Variants in STK17B observed in about 807,000 individuals in gnomAD.
The protein encoded by STK17B is serine/threonine kinase 17b, also known as serine/threonine-protein kinase 17B.
Under a neutral mutation model 42.0 loss-of-function variants are expected in STK17B, and 21 were observed. That is an observed-to-expected ratio of 0.50 (90% CI 0.35 to 0.72). The LOEUF (loss-of-function observed/expected upper bound fraction) is 0.72. Among genes scored for constraint, STK17B ranks in the 30% least tolerant of loss-of-function variants. The pLI, the probability that STK17B is intolerant of heterozygous loss-of-function variation, is 0.00. For synonymous variants in STK17B, 143 were observed against 148.4 expected, an observed-to-expected ratio of 0.96 and a Z score of 0.26; for missense variants, 349 against 446.0, an observed-to-expected ratio of 0.78 and a Z score of 1.96.
Position 196,134,289 on chromosome 2 carries a change from A to C in STK17B, c.*3158T>G, listed in dbSNP as rs911853359. ...ACTAGAGCAGGGGTCCCCAGTCCCCAGGCCACGACCGGGCTGCATAGAAGG... is the reference window on the plus strand; with the variant it reads ...ACTAGAGCAGGGGTCCCCAGTCCCCCGGCCACGACCGGGCTGCATAGAAGG... On this transcript the variant is annotated 3_prime_UTR_variant, in exon 8 of 8. Transcript: ENST00000263955. 2 of 145,998 alleles carry C rather than the reference A, an allele frequency of 1.4e-5. No homozygotes were observed. The highest frequency in any genetic ancestry group is 7.0e-5 in the Admixed American group (1 of 14,194). The allele number at this position is 145,998 out of a possible 1,614,324, so 9.0% of individuals were successfully genotyped here.
chr2:196,140,458 T>C lies in STK17B; in HGVS notation c.657-659A>G, dbSNP rs556863553. Among the ~76,000 whole-genome samples, 5 of 142,442 alleles carry C rather than the reference T, an allele frequency of 3.5e-5. No homozygotes were observed. In the East Asian group the frequency reaches 1.1e-3, roughly 30 times the overall value. 93.4% of individuals were successfully genotyped at this position (142,442 alleles called of 152,430 possible). A position where few individuals can be genotyped will look rare whatever the true frequency, so the allele number is the denominator to read the frequency against. ...GTATCAGTTCTGGTTCTATTCCCTA[T>C]GGTATTCTCTCTTGGCTAGCTACAA... On this transcript the variant is annotated intron_variant, in intron 6 of 7. Coordinates refer to ENST00000263955, the MANE Select transcript of STK17B (RefSeq NM_004226.4).
chr2:196,165,940 T>C (rs1207863811), intron 1 of STK17B, among the ~76,000 whole-genome samples: 1 of 152,258 alleles, frequency 6.6e-6, no homozygotes, highest in Non-Finnish European at 1.5e-5. Flanking sequence ...TAAACTTCAT[T>C]CTTAAAAGTA....
intron 2 of STK17B, among the ~76,000 whole-genome samples, chr2:196,156,914 C>A (rs560658375): frequency 2.6e-5 from 4 of 152,266 alleles, no homozygotes; most frequent in African/African-American, 7.2e-5. Context: ...TAAAATGATA[C>A]ATTATCTTGG....
chr2:196,144,683 G>A (rs1210761117), intron 4 of STK17B, among the ~76,000 whole-genome samples: 2 of 151,952 alleles, frequency 1.3e-5, no homozygotes, highest in Non-Finnish European at 2.9e-5. Context: ...CAATAAGAGG[G>A]CATAGTACAC....
chr2:196,160,336 T>G (rs1028746914), intron 2 of STK17B, among the ~76,000 whole-genome samples: 6 of 152,066 alleles, frequency 3.9e-5, no homozygotes, highest in Non-Finnish European at 7.4e-5. Context: ...CTATGAAACC[T>G]TTGCCTCAGT....
chr2:196,169,181 C>T (rs1699907467), intron 1 of STK17B, among the ~76,000 whole-genome samples: 1 of 149,220 alleles, frequency 6.7e-6, no homozygotes, highest in Non-Finnish European at 1.5e-5. Context: ...GGTCAAGCAA[C>T]TCTTCTGCCT....
At chr2:196,175,978 A>G (rs553294193), upstream of STK17B, among the ~76,000 whole-genome samples, 1 of 152,342 alleles carries the variant, frequency 6.6e-6, no homozygotes, top group South Asian at 2.1e-4. Flanking sequence ...ATATCTGAAC[A>G]ATAATTTAGG....
chr2:196,169,365 A>G, intron 1 of STK17B, among the ~76,000 whole-genome samples: 1 of 152,176 alleles, frequency 6.6e-6, no homozygotes, highest in East Asian at 1.9e-4. Context: ...GCGCCCGGCC[A>G]GAATACTATT....
At chr2:196,169,475 A>G (rs1228678030) in intron 1 of STK17B, among the ~76,000 whole-genome samples, 1 of 152,186 alleles carries the variant, frequency 6.6e-6, no homozygotes, top group Non-Finnish European at 1.5e-5. Context: ...TATTAACTGA[A>G]TTCCTTGACT....
At position 196,134,837 on chromosome 2, in the gene STK17B, A is replaced by G. The variant is rs1699373899; in HGVS notation, c.*2610T>C. The G allele has an allele frequency of 6.6e-6, 1 of 152,226 alleles. No homozygotes were observed. The highest frequency in any genetic ancestry group is 1.5e-5 in the Non-Finnish European group (1 of 68,044). 9.4% of individuals were successfully genotyped at this position (152,226 alleles called of 1,614,324 possible). On this transcript the variant is annotated 3_prime_UTR_variant, in exon 8 of 8. Coordinates refer to ENST00000263955, the MANE Select transcript of STK17B (RefSeq NM_004226.4). ...ACTCACAGGGGCTCTCTAGATTCCT[A>G]CTTTAGAGAAATACATTATGCTTTT...
At chr2:196,152,951 TA>T (rs748762682) in intron 3 of STK17B, 20 of 152,094 alleles carry the variant, frequency 1.3e-4, no homozygotes, top group Admixed American at 6.5e-4. Flanking sequence ...ATTTATTTTT[TA>T]TTTTTTTAAT....
chr2:196,151,302 G>C (rs1699662624), intron 3 of STK17B: 1 of 151,914 alleles, frequency 6.6e-6, no homozygotes, highest in African/African-American at 2.4e-5. Flanking sequence ...GGGGTGCAGT[G>C]GTGTGATCTC....
At chr2:196,175,612 A>C (rs1699990324), upstream of STK17B, among the ~76,000 whole-genome samples, 1 of 152,252 alleles carries the variant, frequency 6.6e-6, no homozygotes, top group Non-Finnish European at 1.5e-5. Context: ...TGGGCGACAA[A>C]GCGAGACTCT....
chr2:196,159,979 C>T (rs1699790553), intron 2 of STK17B, among the ~76,000 whole-genome samples: 1 of 151,774 alleles, frequency 6.6e-6, no homozygotes, highest in South Asian at 2.1e-4. Context: ...ACATTTTTAC[C>T]ATAATTATCA....
upstream of STK17B, chr2:196,174,173 GT>G (rs556774017): frequency 3.5e-4 from 53 of 152,298 alleles, no homozygotes; most frequent in African/African-American, 1.2e-3. Flanking sequence ...AACAAATACA[GT>G]GGTCCTCCTG....
At chr2:196,161,511 CTTTTTTTT>C (rs71009086) in intron 2 of STK17B, among the ~76,000 whole-genome samples, 1 of 69,522 alleles carries the variant, frequency 1.4e-5, no homozygotes, top group East Asian at 4.9e-4. Flanking sequence ...TATTATAATT[CTTTTTTTT>C]TTTTTTTTTT....
intron 3 of STK17B, among the ~76,000 whole-genome samples, chr2:196,150,965 G>A (rs928079738): frequency 9.2e-5 from 14 of 152,196 alleles, no homozygotes; most frequent in African/African-American, 2.7e-4. Flanking sequence ...TTCAACATAC[G>A]TTATGGTTGA....
chr2:196,166,304 G>C (rs3792231), intron 1 of STK17B: 110,816 of 151,992 alleles, frequency 0.73, 40,809 homozygotes, highest in East Asian at 0.91. Flanking sequence ...TGCAGGTTAT[G>C]AGTCAGCTCT....
upstream of STK17B, among the ~76,000 whole-genome samples, chr2:196,174,621 AC>A (rs1290310925): frequency 4.6e-5 from 7 of 152,236 alleles, no homozygotes; most frequent in South Asian, 8.3e-4. Context: ...GCGTGGCTCA[AC>A]CCCCCACCCA....
Sources: gnomAD v4.1 joint callset for allele counts (sites outside exome capture counted in the v4.1 genomes callset) on GRCh38, gnomAD v4.1.1 for gene constraint, MANE v1.5 for transcripts, NCBI Gene and HGNC (gene_info 2026-07-23, HGNC 2026-07-21) for gene names.